SLC9A9: variants seen among roughly 807,000 people sequenced by gnomAD.
The protein encoded by SLC9A9 is sodium/hydrogen exchanger 9.
A neutral mutation model predicts 77.8 loss-of-function variants in SLC9A9; 62 were observed. The observed-to-expected ratio is 0.80, with a 90% confidence interval of 0.65 to 0.98. The LOEUF (loss-of-function observed/expected upper bound fraction) is 0.98. Ranked by LOEUF, SLC9A9 falls within the 50% of genes least tolerant of loss-of-function variation. The probability of loss-of-function intolerance (pLI) is 0.00; values close to 1 mark genes in which losing one functional copy is unlikely to be tolerated. For missense variants in SLC9A9, 775 were observed against 774.9 expected, an observed-to-expected ratio of 1.00 and a Z score of 0.00; for synonymous variants, 320 against 283.5, an observed-to-expected ratio of 1.13 and a Z score of -1.29.
At chr3:143,722,969 T>G (rs75410107) in intron 4 of SLC9A9, among the ~76,000 whole-genome samples, 2,735 of 152,298 alleles carry the variant, frequency 0.018, 72 homozygotes, top group African/African-American at 0.061. Context: ...GTTGTAACTT[T>G]CGCCAATGCT....
intron 6 of SLC9A9, among the ~76,000 whole-genome samples, chr3:143,597,393 AAC>A (rs1170875389): frequency 6.6e-6 from 1 of 152,198 alleles, no homozygotes; most frequent in Non-Finnish European, 1.5e-5. Flanking sequence ...AGGGGGCCAA[AAC>A]ACAGCTCAGG....
At chr3:143,278,981 C>G (rs1032175883) in intron 14 of SLC9A9, among the ~76,000 whole-genome samples, 2 of 133,778 alleles carry the variant, frequency 1.5e-5, no homozygotes, top group Non-Finnish European at 3.0e-5. Context: ...TGGCCTCATA[C>G]AGGAGAAGAT....
intron 1 of SLC9A9, among the ~76,000 whole-genome samples, chr3:143,840,855 T>A (rs1266226294): frequency 3.3e-5 from 5 of 152,202 alleles, no homozygotes; most frequent in Admixed American, 6.5e-5. Flanking sequence ...GTTGGTTAAG[T>A]CATAAGTTTT....
At chr3:143,438,334 C>T (rs919120151) in intron 12 of SLC9A9, among the ~76,000 whole-genome samples, 20 of 152,236 alleles carry the variant, frequency 1.3e-4, no homozygotes, top group African/African-American at 4.8e-4. Context: ...CCTCAAAGAG[C>T]AGCATAGGCT....
chr3:143,462,433 G>A (rs1354677332), intron 12 of SLC9A9, among the ~76,000 whole-genome samples: 7 of 152,126 alleles, frequency 4.6e-5, no homozygotes, highest in South Asian at 2.1e-4. Context: ...TGCAATAGAC[G>A]TAAGTCAATG....
At chr3:143,765,299 A>G (rs746164614) in intron 4 of SLC9A9, among the ~76,000 whole-genome samples, 18 of 151,724 alleles carry the variant, frequency 1.2e-4, no homozygotes, top group Non-Finnish European at 1.9e-4. Flanking sequence ...TTGGCCTCCC[A>G]AAGTGCTAGG....
intron 9 of SLC9A9, among the ~76,000 whole-genome samples, chr3:143,544,633 T>C (rs2036753857): frequency 1.3e-5 from 2 of 152,228 alleles, no homozygotes; most frequent in Admixed American, 1.3e-4. Flanking sequence ...TTTACTTTGT[T>C]GATAGTTTCT....
intron 14 of SLC9A9, among the ~76,000 whole-genome samples, chr3:143,345,529 A>T (rs1365288113): frequency 6.6e-6 from 1 of 152,216 alleles, no homozygotes; most frequent in African/African-American, 2.4e-5. Flanking sequence ...AAAGTTGTTG[A>T]GATGGAAACC....
intron 6 of SLC9A9, among the ~76,000 whole-genome samples, chr3:143,625,243 T>C (rs2038297064): frequency 6.6e-6 from 1 of 152,210 alleles, no homozygotes; most frequent in South Asian, 2.1e-4. Flanking sequence ...ATGACTTTCT[T>C]CACAGAATTG....
At chr3:143,657,003 G>A (rs1378988014) in intron 5 of SLC9A9, among the ~76,000 whole-genome samples, 1 of 152,166 alleles carries the variant, frequency 6.6e-6, no homozygotes, top group African/African-American at 2.4e-5. Context: ...ATTGTATACG[G>A]TGAGATCTGA....
At chr3:143,627,342 C>A in intron 6 of SLC9A9, 1 of 211,028 alleles carries the variant, frequency 4.7e-6, no homozygotes, top group East Asian at 1.2e-4. Context: ...GAATAGATAT[C>A]AGCTTCCAAT....
At chr3:143,813,270 G>A (rs1207356301) in intron 2 of SLC9A9, among the ~76,000 whole-genome samples, 1 of 152,146 alleles carries the variant, frequency 6.6e-6, no homozygotes, top group African/African-American at 2.4e-5. Context: ...CTGAAGACAA[G>A]TCTGGGGCTC....
intron 12 of SLC9A9, among the ~76,000 whole-genome samples, chr3:143,448,923 T>A (rs1250450904): frequency 6.7e-5 from 1 of 15,030 alleles, no homozygotes; most frequent in African/African-American, 1.3e-3. Flanking sequence ...ATATTATATA[T>A]TATAATATAT....
intron 4 of SLC9A9, among the ~76,000 whole-genome samples, chr3:143,769,345 C>T (rs2007436935): frequency 6.6e-6 from 1 of 152,142 alleles, no homozygotes; most frequent in African/African-American, 2.4e-5. Flanking sequence ...AATCTAACTT[C>T]TCTTTATTCC....
At chr3:143,825,886 T>C (rs1304912283) in intron 2 of SLC9A9, among the ~76,000 whole-genome samples, 1 of 134,498 alleles carries the variant, frequency 7.4e-6, no homozygotes, top group African/African-American at 2.5e-5. Context: ...CAACTGAGTA[T>C]TATAAACACC....
At chr3:143,810,679 T>A (rs1576743806) in intron 2 of SLC9A9, among the ~76,000 whole-genome samples, 1 of 152,182 alleles carries the variant, frequency 6.6e-6, no homozygotes, top group African/African-American at 2.4e-5. Flanking sequence ...TTAAGAGAAG[T>A]TGGAACTAAG....
chr3:143,622,850 T>G (rs1404169714), intron 6 of SLC9A9, among the ~76,000 whole-genome samples: 1 of 152,166 alleles, frequency 6.6e-6, no homozygotes, highest in African/African-American at 2.4e-5. Flanking sequence ...CCCATCAATG[T>G]GCTGTATTCA....
At chr3:143,785,715 A>G (rs888588354) in intron 4 of SLC9A9, among the ~76,000 whole-genome samples, 1 of 152,054 alleles carries the variant, frequency 6.6e-6, no homozygotes, top group African/African-American at 2.4e-5. Context: ...GTGTAGAAGC[A>G]GAGTCACATT....
At chr3:143,393,887 C>T (rs1392732070) in intron 12 of SLC9A9, among the ~76,000 whole-genome samples, 1 of 152,026 alleles carries the variant, frequency 6.6e-6, no homozygotes, top group African/African-American at 2.4e-5. Context: ...TACACCCTCC[C>T]AAGACTAAAC....
Sources: allele counts gnomAD v4.1 joint callset (sites outside exome capture counted in the v4.1 genomes callset), GRCh38; gene constraint gnomAD v4.1.1; transcripts MANE v1.5; gene names NCBI Gene and HGNC (gene_info 2026-07-23, HGNC 2026-07-21).